Variants in PKHD1L1 observed in about 807,000 individuals in gnomAD.
PKHD1L1 encodes the protein PKHD1 like 1.
Under a neutral mutation model 462.9 loss-of-function variants are expected in PKHD1L1, and 434 were observed. The ratio of observed to expected loss-of-function variants is 0.94; its 90% confidence interval spans 0.87 to 1.02. PKHD1L1 has a LOEUF of 1.02. Ranked by LOEUF, PKHD1L1 falls within the 50% of genes least tolerant of loss-of-function variation. PKHD1L1 has a pLI of 0.00. For missense variants in PKHD1L1, 5,202 were observed against 5,096.1 expected (o/e 1.02, Z -0.63); for synonymous variants, 1,781 against 1,750.0 (o/e 1.02, Z -0.44).
chr8:109,400,827 A>G (rs1813235423), intron 13 of PKHD1L1, among the ~76,000 whole-genome samples: 2 of 152,112 alleles, frequency 1.3e-5, no homozygotes, highest in Non-Finnish European at 2.9e-5. Context: ...TTGAACATCT[A>G]TGATCATTAG....
At chr8:109,443,645 A>C in intron 36 of PKHD1L1, 31 bp from the exon 37 acceptor site, 1 of 1,509,892 alleles carries the variant, frequency 6.6e-7, no homozygotes, top group South Asian at 1.2e-5. Flanking sequence ...AATGTTATTC[A>C]TGACTTAACG....
intron 38 of PKHD1L1, among the ~76,000 whole-genome samples, chr8:109,446,284 T>C (rs1816134257): frequency 6.6e-6 from 1 of 152,180 alleles, no homozygotes; most frequent in Non-Finnish European, 1.5e-5. Flanking sequence ...ATGTACTGAA[T>C]TCCGGAGAGG....
chr8:109,432,327 A>G lies in PKHD1L1; in HGVS notation c.3230-779A>G, dbSNP rs978804379. Among the ~76,000 whole-genome samples, 17 of 152,122 alleles carry G rather than the reference A, an allele frequency of 1.1e-4. No homozygotes were observed. In the East Asian group the frequency reaches 2.1e-3, roughly 19 times the overall value. The stretch of plus-strand genomic sequence containing the variant: ...TATGGTCAACCCCATGACTTCATGT[A>G]TCATATTTGAGAAATCCATTTCTAC... On this transcript the variant is annotated intron_variant, in intron 27 of 77. Coordinates refer to ENST00000378402, the MANE Select transcript of PKHD1L1 (RefSeq NM_177531.6).
chr8:109,434,607 T>C (rs964587327), intron 28 of PKHD1L1, among the ~76,000 whole-genome samples: 1 of 152,060 alleles, frequency 6.6e-6, no homozygotes, highest in Non-Finnish European at 1.5e-5. Flanking sequence ...TAGCTGAGAT[T>C]ACAGGTGTCT....
At chr8:109,372,183 G>A (rs9773839) in intron 2 of PKHD1L1, among the ~76,000 whole-genome samples, 25,614 of 152,078 alleles carry the variant, frequency 0.17, 2,371 homozygotes, top group South Asian at 0.27. Flanking sequence ...ATTTCATTGA[G>A]CAGTGGTTTG....
intron 1 of PKHD1L1, among the ~76,000 whole-genome samples, chr8:109,364,295 T>C (rs534960781): frequency 6.6e-6 from 1 of 152,314 alleles, no homozygotes; most frequent in African/African-American, 2.4e-5. Flanking sequence ...GTGATGAAAA[T>C]GATCACGTGT....
chr8:109,451,672 C>A (rs1816524785), intron 41 of PKHD1L1, among the ~76,000 whole-genome samples: 1 of 152,158 alleles, frequency 6.6e-6, no homozygotes, highest in Non-Finnish European at 1.5e-5. Context: ...GTCAAAACAC[C>A]AGATCGCATA....
At chr8:109,416,770 A>T (rs1191664926) in intron 21 of PKHD1L1, among the ~76,000 whole-genome samples, 1 of 152,220 alleles carries the variant, frequency 6.6e-6, no homozygotes, top group East Asian at 1.9e-4. Flanking sequence ...TGAAAAGTCC[A>T]TAAACAGAAT....
At chr8:109,429,520 G>C (rs1247031897) in intron 26 of PKHD1L1, 58 bp downstream of exon 26, 7 of 1,500,418 alleles carry the variant, frequency 4.7e-6, no homozygotes, top group African/African-American at 1.4e-5. Flanking sequence ...TAACTAGTTT[G>C]TAATATGTTA....
Position 109,504,342 on chromosome 8 carries a change from G to T in PKHD1L1, c.10844G>T (p.Gly3615Val). 1.4e-6 allele frequency: 2 copies of T among 1,448,590 alleles called. No individual in the cohort carries two copies. The highest frequency in any genetic ancestry group is 9.3e-7 in the Non-Finnish European group (1 of 1,075,956). 89.7% of individuals were successfully genotyped at this position (1,448,590 alleles called of 1,614,324 possible). ...LLDISGSTFV[G>V]FKNVCSGETN... ...TATGTTTTAGGTTCAACATTTGTTG[G>T]ATTTAAGAATGTTTGTTCAGGGGAA... is the stretch of plus-strand genomic sequence containing the variant. The change falls in exon 68 of 78, where the codon GGA (glycine) becomes GTA (valine). Residue 3615 changes from glycine (G) to valine (V), a missense_variant. Physicochemically the swap from Gly to Val is moderately radical, Grantham distance 109. This residue lies in a region of PKHD1L1 where 7 missense variants were observed against 23.0 expected (regional missense o/e 0.30). Coordinates refer to ENST00000378402, the MANE Select transcript of PKHD1L1 (RefSeq NM_177531.6).
intron 50 of PKHD1L1, among the ~76,000 whole-genome samples, chr8:109,468,679 C>A (rs190640462): frequency 2.0e-5 from 3 of 152,232 alleles, no homozygotes; most frequent in Non-Finnish European, 4.4e-5. Flanking sequence ...TCATCCATCA[C>A]TTGCCCTTGA....
chr8:109,384,754 T>A (rs1401969536), intron 5 of PKHD1L1, among the ~76,000 whole-genome samples: 2 of 152,064 alleles, frequency 1.3e-5, no homozygotes, highest in African/African-American at 4.8e-5. Flanking sequence ...AGAATTAATA[T>A]ACAAGATACA....
At position 109,532,522 on chromosome 8, in the gene PKHD1L1, A is replaced by T. The variant is rs1344069051; in HGVS notation, c.*2432A>T. ...GAAATTGATGTTTAAATTCTTAAAA[A>T]TAATTTGTATTGTAAGAAGTGGCTA... On this transcript the variant is annotated 3_prime_UTR_variant, in exon 78 of 78. Coordinates refer to ENST00000378402, the MANE Select transcript of PKHD1L1 (RefSeq NM_177531.6). Among the ~76,000 whole-genome samples the T allele has an allele frequency of 6.6e-6, 1 of 152,208 alleles. No individual in the cohort carries two copies. Among genetic ancestry groups the T allele is most frequent in the African/African-American group, 2.4e-5 (1 of 41,454 alleles).
Position 109,491,876 on chromosome 8 carries a change from T to A in PKHD1L1, c.10118T>A (p.Ile3373Lys). The change falls in exon 62 of 78, where the codon ATA (isoleucine) becomes AAA (lysine). Residue 3373 changes from isoleucine (I) to lysine (K), a missense_variant. This residue lies in a region of PKHD1L1 where 4,497 missense variants were observed against 4,336.8 expected (regional missense o/e 1.04). Coordinates refer to ENST00000378402, the MANE Select transcript of PKHD1L1 (RefSeq NM_177531.6). ...CTTTTTTTCTTTTTTTAAACAGGCATAAGAATATGGGGGAATGCCAACCGA... is the reference window on the plus strand; with the variant it reads ...CTTTTTTTCTTTTTTTAAACAGGCAAAAGAATATGGGGGAATGCCAACCGA... ...NIIHFTVGEG[I>K]RIWGNANRVR... 1 of 1,595,650 alleles carries A rather than the reference T, an allele frequency of 6.3e-7. No homozygotes were observed. The highest frequency in any genetic ancestry group is 8.6e-7 in the Non-Finnish European group (1 of 1,167,584).
rs555151601 is a variant in PKHD1L1, at chr8:109,443,564, G to T, written c.4565-112G>T. 76 of 885,364 alleles carry T rather than the reference G, an allele frequency of 8.6e-5. 1 individual carries two copies. The African/African-American group carries it at 1.2e-3, about 14-fold the overall frequency. The allele number at this position is 885,364 out of a possible 1,614,324, so 54.8% of individuals were successfully genotyped here. On this transcript the variant is annotated intron_variant, in intron 36 of 77. Transcript: ENST00000378402. Reference sequence around the variant, plus strand: ...ATTTGTCATTTTGTTTTTCAAAAAAGATTTACCAGAATTTAAACCATCATC... The same window carrying T: ...ATTTGTCATTTTGTTTTTCAAAAAATATTTACCAGAATTTAAACCATCATC...
intron 59 of PKHD1L1, among the ~76,000 whole-genome samples, chr8:109,487,944 A>G (rs200299428): frequency 0.032 from 1,177 of 36,338 alleles, 7 homozygotes; most frequent in South Asian, 0.074. Context: ...AAGGAAGGAA[A>G]GAAGGAAGGA....
intron 73 of PKHD1L1, among the ~76,000 whole-genome samples, chr8:109,521,137 G>T (rs1157603764): frequency 2.6e-5 from 4 of 152,158 alleles, no homozygotes; most frequent in African/African-American, 9.7e-5. Flanking sequence ...AAACTGACAA[G>T]GACTGAAATA....
At chr8:109,427,901 C>T (rs1027386539) in intron 25 of PKHD1L1, among the ~76,000 whole-genome samples, 2 of 151,808 alleles carry the variant, frequency 1.3e-5, no homozygotes, top group African/African-American at 2.4e-5. Context: ...CCTGTAATCC[C>T]AGCTACTTGG....
At chr8:109,485,979 T>C (rs1022858097) in intron 58 of PKHD1L1, among the ~76,000 whole-genome samples, 3 of 152,028 alleles carry the variant, frequency 2.0e-5, no homozygotes, top group Admixed American at 6.6e-5. Context: ...TTTGACATTA[T>C]AGATTCTTTC....
Sources: allele counts gnomAD v4.1 joint callset (sites outside exome capture counted in the v4.1 genomes callset), GRCh38; gene constraint gnomAD v4.1.1; regional missense constraint gnomAD v4.1.1; transcripts MANE v1.5; gene names NCBI Gene and HGNC (gene_info 2026-07-23, HGNC 2026-07-21).